The following FGD5 variants were observed in gnomAD, a reference collection of about 807,000 sequenced individuals.
FGD5 encodes the protein FYVE, RhoGEF and PH domain containing 5.
In FGD5, 28 loss-of-function variants were observed where a neutral mutation model predicts 133.4. That is an observed-to-expected ratio of 0.21 (90% CI 0.16 to 0.29). The LOEUF (loss-of-function observed/expected upper bound fraction) is 0.29. Among genes scored for constraint, FGD5 ranks in the 10% least tolerant of loss-of-function variants. The pLI is 1.00. For missense variants in FGD5, 1,858 were observed against 1,895.2 expected, an observed-to-expected ratio of 0.98 and a Z score of 0.36; for synonymous variants, 810 against 776.5, an observed-to-expected ratio of 1.04 and a Z score of -0.72.
chr3:14,858,355 GTGGATGGATGGATGGATGGA>G (rs61642170), intron 1 of FGD5, among the ~76,000 whole-genome samples: 1 of 130,888 alleles, frequency 7.6e-6, no homozygotes, highest in Non-Finnish European at 1.6e-5. Context: ...GGGTGGGTGG[GTGGATGGATGGATGGATGGA>G]TGGATGGATG....
At chr3:14,856,930 G>A (rs567494632) in intron 1 of FGD5, among the ~76,000 whole-genome samples, 15 of 152,258 alleles carry the variant, frequency 9.9e-5, no homozygotes, top group African/African-American at 3.6e-4. Context: ...TTGAAGAATG[G>A]TGGTGAGAGT....
intron 9 of FGD5, among the ~76,000 whole-genome samples, chr3:14,904,264 G>A (rs2038295503): frequency 6.6e-6 from 1 of 152,120 alleles, no homozygotes; most frequent in Non-Finnish European, 1.5e-5. Context: ...TCCTCTTGAG[G>A]GCACCATATC....
chr3:14,865,296 A>G (rs1239343602), intron 2 of FGD5, among the ~76,000 whole-genome samples: 1 of 152,178 alleles, frequency 6.6e-6, no homozygotes, highest in African/African-American at 2.4e-5. Context: ...TTGATTAAAG[A>G]CCATTGCAAG....
Position 14,922,907 on chromosome 3 carries a change from C to A in FGD5, c.3808-139C>A. On this transcript the variant is annotated intron_variant, in intron 15 of 19. Transcript: ENST00000285046. This position sits in a 1 kb window ranked among gnomAD's most constrained non-coding sequence, Gnocchi z 4.1. ...GAAGCCTTGCCGGAAAAGTAGGGGA[C>A]ACGCACAGCTCCATGATCAGAACCT... is the stretch of plus-strand genomic sequence containing the variant. The A allele has an allele frequency of 8.2e-7, 1 of 1,213,360 alleles. No individual in the cohort carries two copies. The highest frequency in any genetic ancestry group is 1.2e-6 in the Non-Finnish European group (1 of 853,984). The allele number at this position is 1,213,360 out of a possible 1,614,324, so 75.2% of individuals were successfully genotyped here.
chr3:14,850,780 T>G, intron 1 of FGD5, among the ~76,000 whole-genome samples: 1 of 142,354 alleles, frequency 7.0e-6, no homozygotes, highest in African/African-American at 2.6e-5. Flanking sequence ...GGGTTGGACC[T>G]TGGTTGGGGG....
chr3:14,891,362 C>G (rs1356546392), intron 4 of FGD5, among the ~76,000 whole-genome samples: 6 of 152,220 alleles, frequency 3.9e-5, no homozygotes, highest in Admixed American at 3.9e-4. Context: ...CTCCTGTGCC[C>G]TCTAAAACAT....
intron 12 of FGD5, 54 bp from the exon 13 acceptor site, chr3:14,918,700 C>A: frequency 1.3e-6 from 2 of 1,570,756 alleles, no homozygotes; most frequent in South Asian, 1.1e-5. Context: ...AGAAGCCGGT[C>A]TACACTTGCC....
chr3:14,846,019 C>G (rs960068943), intron 1 of FGD5, among the ~76,000 whole-genome samples: 1 of 152,148 alleles, frequency 6.6e-6, no homozygotes, highest in Non-Finnish European at 1.5e-5. Context: ...TCACCAAGCC[C>G]CGTGGTTTAT....
intron 1 of FGD5, chr3:14,811,289 C>T (rs1187693075): frequency 2.6e-5 from 4 of 152,278 alleles, no homozygotes; most frequent in Non-Finnish European, 5.9e-5. Flanking sequence ...AACACCTGAC[C>T]CACGGGGCCC....
At chr3:14,925,966 T>G in intron 17 of FGD5, 104 bp from the exon 18 acceptor site, 2 of 1,464,418 alleles carry the variant, frequency 1.4e-6, no homozygotes, top group Non-Finnish European at 1.8e-6. Context: ...CAAAGCAGTA[T>G]AAGTAGTCAG....
chr3:14,885,899 T>C (rs964070594), intron 4 of FGD5, among the ~76,000 whole-genome samples: 1 of 152,132 alleles, frequency 6.6e-6, no homozygotes, highest in Non-Finnish European at 1.5e-5. Flanking sequence ...TAGGAGAGAT[T>C]GTTGTGGGTG....
intron 1 of FGD5, among the ~76,000 whole-genome samples, chr3:14,851,875 C>T (rs554091851): frequency 1.1e-4 from 16 of 151,334 alleles, no homozygotes; most frequent in African/African-American, 3.9e-4. Context: ...AAACAAAATT[C>T]TTTGAAAATC....
rs557053527 is a variant in FGD5, at chr3:14,882,524, C to A, written c.2748+1752C>A. On this transcript the variant is annotated intron_variant, in intron 4 of 19. Transcript: ENST00000285046. ...ACCAGCCTGGCCAACATGGTGAAACCCCATCTCTACTGAAAATACAAAAAT... is the reference window on the plus strand; with the variant it reads ...ACCAGCCTGGCCAACATGGTGAAACACCATCTCTACTGAAAATACAAAAAT... Among the ~76,000 whole-genome samples, 86 of 152,062 alleles carry A rather than the reference C, an allele frequency of 5.7e-4. 1 individual carries two copies. Among genetic ancestry groups the A allele is most frequent in the Admixed American group, 2.7e-3 (41 of 15,278 alleles).
At chr3:14,835,947 GCC>G (rs2036808455) in intron 1 of FGD5, among the ~76,000 whole-genome samples, 1 of 152,204 alleles carries the variant, frequency 6.6e-6, no homozygotes, top group Non-Finnish European at 1.5e-5. Flanking sequence ...AGGAAAAGGG[GCC>G]TCTGAAAGAC....
chr3:14,869,758 C>T (rs2037568905), intron 2 of FGD5, among the ~76,000 whole-genome samples: 1 of 152,214 alleles, frequency 6.6e-6, no homozygotes, highest in Non-Finnish European at 1.5e-5. Flanking sequence ...CACTCTGTAG[C>T]ATGGGTTGGA....
intron 1 of FGD5, among the ~76,000 whole-genome samples, chr3:14,854,871 A>G (rs1173486511): frequency 1.3e-5 from 2 of 152,202 alleles, no homozygotes; most frequent in African/African-American, 2.4e-5. Context: ...GGAACATTCA[A>G]TATCCTCCTC....
At position 14,843,324 on chromosome 3, in the gene FGD5, G is replaced by A. The variant is rs552501801; in HGVS notation, c.2526-20804G>A. ...CTGCAGCTTGGAGAGCATCCTCTGCGTGTGGCAAGAGTGGGTTTTTAGCTC... is the reference window on the plus strand; with the variant it reads ...CTGCAGCTTGGAGAGCATCCTCTGCATGTGGCAAGAGTGGGTTTTTAGCTC... On this transcript the variant is annotated intron_variant, in intron 1 of 19. Coordinates refer to ENST00000285046, the MANE Select transcript of FGD5 (RefSeq NM_152536.4). Among the ~76,000 whole-genome samples the A allele has an allele frequency of 2.2e-4, 34 of 152,252 alleles. No individual in the cohort carries two copies. In the South Asian group the frequency reaches 6.2e-3, roughly 28 times the overall value.
chr3:14,828,966 G>A (rs1248029553), intron 1 of FGD5, among the ~76,000 whole-genome samples: 1 of 151,636 alleles, frequency 6.6e-6, no homozygotes, highest in Non-Finnish European at 1.5e-5. Flanking sequence ...GCTAATTTTT[G>A]TATTTTTAGT....
At chr3:14,901,519 C>G (rs2038238683) in intron 9 of FGD5, among the ~76,000 whole-genome samples, 1 of 152,220 alleles carries the variant, frequency 6.6e-6, no homozygotes, top group Admixed American at 6.5e-5. Context: ...CTGTGTGACT[C>G]TGTCTGCTAG....
Sources: allele counts gnomAD v4.1 joint callset (sites outside exome capture counted in the v4.1 genomes callset), GRCh38; gene constraint gnomAD v4.1.1; non-coding constraint Gnocchi (gnomAD v3.1); transcripts MANE v1.5; gene names NCBI Gene and HGNC (gene_info 2026-07-23, HGNC 2026-07-21).